RIMS1: variants seen among roughly 807,000 people sequenced by gnomAD.
RIMS1 encodes the protein regulating synaptic membrane exocytosis 1.
Under a neutral mutation model 214.1 loss-of-function variants are expected in RIMS1, and 83 were observed. The observed-to-expected ratio is 0.39, with a 90% confidence interval of 0.32 to 0.47. The LOEUF (loss-of-function observed/expected upper bound fraction) is 0.47, where lower values mean the gene tolerates loss of function less well. RIMS1 is among the 20% of genes least tolerant of loss of function. RIMS1 has a pLI of 0.99. For missense variants in RIMS1, 2,050 were observed against 2,161.8 expected (o/e 0.95, Z 1.03); for synonymous variants, 793 against 786.8 (o/e 1.01, Z -0.13).
At chr6:72,330,302 A>C (rs1285011761) in intron 28 of RIMS1, among the ~76,000 whole-genome samples, 1 of 151,788 alleles carries the variant, frequency 6.6e-6, no homozygotes, top group African/African-American at 2.4e-5. Flanking sequence ...AGCCTGATTC[A>C]AATTACTTCA....
chr6:72,191,961 T>C (rs1347142093), intron 6 of RIMS1, among the ~76,000 whole-genome samples: 1 of 152,206 alleles, frequency 6.6e-6, no homozygotes, highest in Admixed American at 6.5e-5. Flanking sequence ...TGTTTTTGAT[T>C]TACTATTTTT....
At chr6:72,389,559 G>T (rs1281381876) in intron 29 of RIMS1, among the ~76,000 whole-genome samples, 1 of 152,050 alleles carries the variant, frequency 6.6e-6, no homozygotes, top group East Asian at 1.9e-4. Context: ...GTGTATTTAG[G>T]TACCTGCTTT....
intron 2 of RIMS1, among the ~76,000 whole-genome samples, chr6:72,088,019 C>G (rs1340082732): frequency 2.0e-5 from 3 of 151,892 alleles, no homozygotes; most frequent in Non-Finnish European, 4.4e-5. Flanking sequence ...GATTTTTTTC[C>G]TCACAAATTG....
At chr6:72,288,332 A>G (rs898725502) in intron 24 of RIMS1, among the ~76,000 whole-genome samples, 3 of 152,240 alleles carry the variant, frequency 2.0e-5, no homozygotes, top group East Asian at 1.9e-4. Flanking sequence ...GTATAAACCT[A>G]TAGATACATA....
At chr6:72,148,951 C>T (rs2043131440) in intron 4 of RIMS1, among the ~76,000 whole-genome samples, 1 of 151,724 alleles carries the variant, frequency 6.6e-6, no homozygotes, top group South Asian at 2.1e-4. Context: ...GAAAAGGAGT[C>T]CCAGGAATTG....
intron 2 of RIMS1, among the ~76,000 whole-genome samples, chr6:71,984,421 A>C (rs991894183): frequency 6.6e-6 from 1 of 152,158 alleles, no homozygotes; most frequent in Non-Finnish European, 1.5e-5. Context: ...CCTTTTACAG[A>C]AGCAGCAAAT....
At chr6:72,340,921 A>G (rs1268518171) in intron 29 of RIMS1, among the ~76,000 whole-genome samples, 1 of 152,022 alleles carries the variant, frequency 6.6e-6, no homozygotes, top group Non-Finnish European at 1.5e-5. Context: ...ATGAGCATGG[A>G]ATGTTCTTCC....
intron 4 of RIMS1, among the ~76,000 whole-genome samples, chr6:72,120,145 T>G (rs1167527828): frequency 1.3e-5 from 2 of 151,896 alleles, no homozygotes; most frequent in Non-Finnish European, 2.9e-5. Flanking sequence ...GTAGCATGAT[T>G]TATAATCCTT....
At chr6:72,099,825 A>C (rs1001550015) in intron 3 of RIMS1, 150 bp from the exon 4 acceptor site, 14 of 641,470 alleles carry the variant, frequency 2.2e-5, no homozygotes, top group Non-Finnish European at 2.7e-6. Context: ...GGAAAAGTAA[A>C]CATTTACTTT....
intron 2 of RIMS1, among the ~76,000 whole-genome samples, chr6:72,087,100 A>T (rs889539610): frequency 6.6e-6 from 1 of 152,234 alleles, no homozygotes; most frequent in African/African-American, 2.4e-5. Context: ...TCTTAACCAG[A>T]TAAAATGAGC....
chr6:71,985,690 G>C (rs988209664), intron 2 of RIMS1, among the ~76,000 whole-genome samples: 1 of 151,970 alleles, frequency 6.6e-6, no homozygotes, highest in Non-Finnish European at 1.5e-5. Flanking sequence ...TTTTTATTTA[G>C]TTAGTTTTTG....
chr6:72,258,100 T>G (rs192561247), intron 16 of RIMS1, 25 bp from the exon 17 acceptor site: 1 of 1,604,810 alleles, frequency 6.2e-7, no homozygotes. Context: ...ACTGACTAAA[T>G]TTTTTCTGTG....
At position 72,295,299 on chromosome 6, in the gene RIMS1, C is replaced by T. The variant is rs143128512; in HGVS notation, c.3850+3253C>T. 3.8e-4 allele frequency among the ~76,000 whole-genome samples: 58 copies of T among 151,734 alleles called. No homozygotes were observed. In the East Asian group the frequency reaches 0.011, roughly 28 times the overall value. ...ATAAAATGTCTAAGAAGTATAGTCT[C>T]TACAAAACAACTAATTTTACTTTGG... On this transcript the variant is annotated intron_variant, in intron 26 of 33. Transcript: ENST00000521978.
At chr6:72,396,578 A>G (rs2098780204) in intron 31 of RIMS1, among the ~76,000 whole-genome samples, 1 of 152,246 alleles carries the variant, frequency 6.6e-6, no homozygotes, top group Admixed American at 6.5e-5. Flanking sequence ...TGGAGAGTAG[A>G]TAAATAAATA....
chr6:72,309,554 A>G (rs780223929), intron 27 of RIMS1, among the ~76,000 whole-genome samples: 5 of 152,038 alleles, frequency 3.3e-5, no homozygotes, highest in African/African-American at 4.8e-5. Context: ...GTGGCTTTCA[A>G]TTTACCTAAA....
chr6:72,044,859 G>T (rs1012366214), intron 2 of RIMS1, among the ~76,000 whole-genome samples: 3 of 151,818 alleles, frequency 2.0e-5, no homozygotes, highest in African/African-American at 7.2e-5. Context: ...TAGATATTTA[G>T]CCAAGAGGAA....
At chr6:72,316,930 G>T in intron 28 of RIMS1, 1 of 704,732 alleles carries the variant, frequency 1.4e-6, no homozygotes, top group Non-Finnish European at 2.6e-6. Flanking sequence ...GAGGTGTCCT[G>T]CAGTAGAGTG....
intron 1 of RIMS1, among the ~76,000 whole-genome samples, chr6:71,936,901 A>C (rs1486861334): frequency 1.3e-5 from 2 of 151,972 alleles, no homozygotes; most frequent in Non-Finnish European, 2.9e-5. Context: ...ACAGTGGTGT[A>C]GTCAAATGGC....
intron 29 of RIMS1, among the ~76,000 whole-genome samples, chr6:72,372,649 TTAAGAA>T (rs1413426022): frequency 1.3e-5 from 2 of 152,186 alleles, no homozygotes; most frequent in Non-Finnish European, 2.9e-5. Flanking sequence ...AGGAGCATAC[TTAAGAA>T]TTAGGTTTGC....
Sources: gnomAD v4.1 joint callset for allele counts (sites outside exome capture counted in the v4.1 genomes callset) on GRCh38, gnomAD v4.1.1 for gene constraint, MANE v1.5 for transcripts, NCBI Gene and HGNC (gene_info 2026-07-23, HGNC 2026-07-21) for gene names.